Variants in IMMP2L observed in about 807,000 individuals in gnomAD.
IMMP2L encodes the protein mitochondrial inner membrane protease subunit 2.
Under a neutral mutation model 19.3 loss-of-function variants are expected in IMMP2L, and 18 were observed. The ratio of observed to expected loss-of-function variants is 0.93; its 90% confidence interval spans 0.64 to 1.38. The LOEUF (loss-of-function observed/expected upper bound fraction) is 1.38, where lower values mean the gene tolerates loss of function less well. Among genes scored for constraint, IMMP2L ranks in the 40% most tolerant of loss-of-function variants. The pLI is 0.00. For synonymous variants in IMMP2L, 76 were observed against 73.0 expected (o/e 1.04, Z -0.21); for missense variants, 233 against 218.2 (o/e 1.07, Z -0.43).
intron 3 of IMMP2L, among the ~76,000 whole-genome samples, chr7:111,355,445 T>C (rs1373165351): frequency 6.6e-6 from 1 of 151,740 alleles, no homozygotes; most frequent in Admixed American, 6.6e-5. Context: ...AATTGTAATA[T>C]TGGGCTTTAT....
At chr7:111,181,868 T>C (rs554669930) in intron 3 of IMMP2L, among the ~76,000 whole-genome samples, 28 of 152,176 alleles carry the variant, frequency 1.8e-4, no homozygotes, top group African/African-American at 6.5e-4. Context: ...TAAATAGCTA[T>C]AAATTTTGTA....
At chr7:111,511,651 A>C (rs1230102777) in intron 2 of IMMP2L, among the ~76,000 whole-genome samples, 1 of 138,688 alleles carries the variant, frequency 7.2e-6, no homozygotes, top group Non-Finnish European at 1.6e-5. Context: ...TCTGTTGAAC[A>C]AAAAAAAAAA....
intron 3 of IMMP2L, among the ~76,000 whole-genome samples, chr7:111,399,413 G>A (rs1471100684): frequency 1.3e-5 from 2 of 152,150 alleles, no homozygotes; most frequent in East Asian, 1.9e-4. Context: ...CCAGGCTGCA[G>A]TGCAATGGCA....
At chr7:110,994,806 A>G (rs1390974914) in intron 3 of IMMP2L, among the ~76,000 whole-genome samples, 1 of 152,186 alleles carries the variant, frequency 6.6e-6, no homozygotes, top group Non-Finnish European at 1.5e-5. Context: ...TGACAGTGAT[A>G]AGGTGTGACT....
At chr7:111,524,271 A>C (rs1374649628) in intron 1 of IMMP2L, among the ~76,000 whole-genome samples, 1 of 152,070 alleles carries the variant, frequency 6.6e-6, no homozygotes. Context: ...ATAAATAAAT[A>C]AATCCAAAGA....
chr7:110,663,537 TC>T lies in IMMP2L; in HGVS notation c.*64del, dbSNP rs1001740386. 1.2e-4 allele frequency: 188 copies of T among 1,529,488 alleles called. No individual in the cohort carries two copies. In the African/African-American group the frequency reaches 2.5e-3, roughly 20 times the overall value. 94.7% of individuals were successfully genotyped at this position (1,529,488 alleles called of 1,614,324 possible). On this transcript the variant is annotated 3_prime_UTR_variant, in exon 6 of 6. Coordinates refer to ENST00000405709, the MANE Select transcript of IMMP2L (RefSeq NM_032549.4). ...CAGAAGTTTTTCCCTTTTGGAGGCT[TC>T]TTTTTTCCATTCCTTTCCAGTAACT...
At chr7:110,753,550 CATG>C (rs1797858011) in intron 5 of IMMP2L, among the ~76,000 whole-genome samples, 1 of 152,024 alleles carries the variant, frequency 6.6e-6, no homozygotes, top group African/African-American at 2.4e-5. Context: ...ACAGCAATAT[CATG>C]ATACCTCGAT....
chr7:110,787,695 T>A (rs1417120730), intron 5 of IMMP2L, among the ~76,000 whole-genome samples: 1 of 151,946 alleles, frequency 6.6e-6, no homozygotes, highest in Non-Finnish European at 1.5e-5. Context: ...TCCACAATCA[T>A]TCATTCACCT....
At chr7:111,138,540 T>C (rs1386428739) in intron 3 of IMMP2L, among the ~76,000 whole-genome samples, 1 of 152,222 alleles carries the variant, frequency 6.6e-6, no homozygotes, top group East Asian at 1.9e-4. Context: ...CCGCTTATGC[T>C]ATTTTACATT....
intron 5 of IMMP2L, among the ~76,000 whole-genome samples, chr7:110,858,937 C>T (rs1017429742): frequency 1.3e-5 from 2 of 152,102 alleles, no homozygotes; most frequent in Non-Finnish European, 2.9e-5. Flanking sequence ...ATGAATTCAT[C>T]ATTTTTTGTG....
intron 4 of IMMP2L, among the ~76,000 whole-genome samples, chr7:110,959,366 T>G (rs945248847): frequency 6.6e-6 from 1 of 151,978 alleles, no homozygotes; most frequent in South Asian, 2.1e-4. Flanking sequence ...CTTCTAGTAG[T>G]TGACAGCATA....
At chr7:111,186,088 T>C (rs181387505) in intron 3 of IMMP2L, among the ~76,000 whole-genome samples, 133 of 152,292 alleles carry the variant, frequency 8.7e-4, no homozygotes, top group African/African-American at 3.2e-3. Flanking sequence ...GCTAAATGAG[T>C]TCAGTAAAAC....
chr7:111,174,419 C>T (rs1043633602), intron 3 of IMMP2L, among the ~76,000 whole-genome samples: 8 of 151,632 alleles, frequency 5.3e-5, no homozygotes, highest in East Asian at 1.9e-4. Flanking sequence ...CATATTTACA[C>T]GCCTTCTGCC....
chr7:110,685,184 T>C (rs539516034), intron 5 of IMMP2L, among the ~76,000 whole-genome samples: 2 of 152,202 alleles, frequency 1.3e-5, no homozygotes, highest in East Asian at 3.9e-4. Flanking sequence ...TGGAGCACCA[T>C]AATGTAAAGA....
intron 3 of IMMP2L, among the ~76,000 whole-genome samples, chr7:111,271,084 A>G (rs1310594713): frequency 2.6e-5 from 4 of 152,172 alleles, no homozygotes; most frequent in Non-Finnish European, 4.4e-5. Context: ...TCACGGGGAC[A>G]GTTACCCTCA....
intron 5 of IMMP2L, among the ~76,000 whole-genome samples, chr7:110,886,334 G>GC (rs1810218480): frequency 6.6e-6 from 1 of 152,066 alleles, no homozygotes; most frequent in Non-Finnish European, 1.5e-5. Flanking sequence ...AAGGTAGTTG[G>GC]CCAAAAGCAT....
intron 5 of IMMP2L, among the ~76,000 whole-genome samples, chr7:110,768,817 T>G (rs1798843524): frequency 6.6e-6 from 1 of 152,164 alleles, no homozygotes; most frequent in Admixed American, 6.5e-5. Context: ...CACTGGATCA[T>G]CAGCTACTTC....
chr7:111,547,514 C>CT (rs1849040186), intron 1 of IMMP2L, among the ~76,000 whole-genome samples: 1 of 150,362 alleles, frequency 6.7e-6, no homozygotes, highest in African/African-American at 2.5e-5. Context: ...TACCCCCCCC[C>CT]CCTTTTTATC....
At chr7:111,002,473 T>C (rs1043103832) in intron 3 of IMMP2L, among the ~76,000 whole-genome samples, 2 of 152,124 alleles carry the variant, frequency 1.3e-5, no homozygotes, top group African/African-American at 4.8e-5. Context: ...AAGATCTGTC[T>C]GTTTTAAGGC....
Sources: allele counts gnomAD v4.1 joint callset (sites outside exome capture counted in the v4.1 genomes callset), GRCh38; gene constraint gnomAD v4.1.1; transcripts MANE v1.5; gene names NCBI Gene and HGNC (gene_info 2026-07-23, HGNC 2026-07-21).